Variants in ACCSL observed in about 807,000 individuals in gnomAD.
ACCSL encodes the protein probable inactive 1-aminocyclopropane-1-carboxylate synthase-like protein 2.
A neutral mutation model predicts 61.7 loss-of-function variants in ACCSL; 55 were observed. The ratio of observed to expected loss-of-function variants is 0.89; its 90% CI spans 0.72 to 1.12. ACCSL has a LOEUF of 1.12. Among genes scored for constraint, ACCSL ranks in the 50% most tolerant of loss-of-function variants. ACCSL has a pLI of 0.00. For synonymous variants in ACCSL, 258 were observed against 264.3 expected, an observed-to-expected ratio of 0.98 and a Z score of 0.23; for missense variants, 632 against 698.0, an observed-to-expected ratio of 0.91 and a Z score of 1.07.
chr11:44,021,604 A>G, the ACCSL span, among the ~76,000 whole-genome samples: 1 of 152,116 alleles, frequency 6.6e-6, no homozygotes, highest in Non-Finnish European at 1.5e-5. Flanking sequence ...TTTGCTGTGT[A>G]GAAGCTTTTT....
chr11:43,970,358 A>G, the ACCSL span, among the ~76,000 whole-genome samples: 6 of 152,058 alleles, frequency 3.9e-5, no homozygotes, highest in African/African-American at 1.4e-4. Flanking sequence ...GGTGCATGCC[A>G]TCATGCCTGG....
chr11:43,982,321 A>G, the ACCSL span, among the ~76,000 whole-genome samples: 23,946 of 139,338 alleles, frequency 0.17, 2,095 homozygotes, highest in Middle Eastern at 0.23. Flanking sequence ...TCCACCTCCC[A>G]GGTTCTAGCG....
the ACCSL span, among the ~76,000 whole-genome samples, chr11:43,959,657 A>G: frequency 6.6e-5 from 10 of 152,148 alleles, no homozygotes; most frequent in East Asian, 1.9e-3. Context: ...TCAACAAACA[A>G]TTTCCCCTCT....
At chr11:44,010,912 C>T in the ACCSL span, among the ~76,000 whole-genome samples, 1 of 152,302 alleles carries the variant, frequency 6.6e-6, no homozygotes, top group African/African-American at 2.4e-5. Flanking sequence ...TAAGTTACCC[C>T]TATACTTAGT....
upstream of ACCSL, among the ~76,000 whole-genome samples, chr11:44,046,767 T>C (rs1301617502): frequency 1.3e-5 from 2 of 152,318 alleles, no homozygotes; most frequent in East Asian, 3.9e-4. Flanking sequence ...AAAAGGGTCT[T>C]GATATCTTGG....
At chr11:43,942,956 G>C in the ACCSL span, 2 of 1,479,270 alleles carry the variant, frequency 1.4e-6, no homozygotes, top group Non-Finnish European at 1.8e-6. Flanking sequence ...TTACCAGGCG[G>C]TGATGCCGCA....
At chr11:44,059,319 T>A (rs1276010816) in intron 13 of ACCSL, among the ~76,000 whole-genome samples, 1 of 152,140 alleles carries the variant, frequency 6.6e-6, no homozygotes, top group Non-Finnish European at 1.5e-5. Context: ...GTAAGTGAGA[T>A]GGATAGGCAG....
the ACCSL span, among the ~76,000 whole-genome samples, chr11:43,976,197 T>C: frequency 2.0e-5 from 3 of 152,154 alleles, no homozygotes; most frequent in Admixed American, 6.5e-5. Flanking sequence ...GATGTTGTAA[T>C]GGGATGAGAC....
At chr11:44,049,990 C>G in intron 1 of ACCSL, 72 bp from the exon 2 acceptor site, 1 of 1,590,578 alleles carries the variant, frequency 6.3e-7, no homozygotes, top group East Asian at 2.2e-5. Flanking sequence ...TCCATTTGAA[C>G]TAATGTTTCA....
At chr11:44,043,822 A>T (rs969215105), upstream of ACCSL, among the ~76,000 whole-genome samples, 2 of 152,244 alleles carry the variant, frequency 1.3e-5, no homozygotes, top group Non-Finnish European at 2.9e-5. Context: ...TTTATATTGT[A>T]ACCTCTGGGG....
At chr11:43,973,923 A>G in the ACCSL span, 4 of 152,194 alleles carry the variant, frequency 2.6e-5, no homozygotes, top group South Asian at 8.3e-4. Context: ...AATTTGGAAG[A>G]GCCAACGTAC....
chr11:44,041,871 C>T, the ACCSL span, among the ~76,000 whole-genome samples: 1 of 152,152 alleles, frequency 6.6e-6, no homozygotes, highest in African/African-American at 2.4e-5. Context: ...AGGTACCATT[C>T]ATTTAAATAA....
chr11:43,997,917 A>G, the ACCSL span, among the ~76,000 whole-genome samples: 16 of 152,148 alleles, frequency 1.1e-4, no homozygotes, highest in Admixed American at 6.5e-5. Flanking sequence ...GACAAGGGAG[A>G]AGAGGTAGGA....
intron 11 of ACCSL, 27 bp downstream of exon 11, chr11:44,056,353 T>C: frequency 6.2e-7 from 1 of 1,604,806 alleles, no homozygotes; most frequent in Non-Finnish European, 8.5e-7. Context: ...CAGACCAGCA[T>C]GTTGGCTGGA....
the ACCSL span, among the ~76,000 whole-genome samples, chr11:43,982,226 C>CTTTTT: frequency 2.0e-4 from 17 of 86,322 alleles, no homozygotes; most frequent in Admixed American, 3.3e-4. Flanking sequence ...CCAAGGCCCT[C>CTTTTT]TTTTTTTTTT....
At chr11:44,051,516 G>C in intron 4 of ACCSL, 112 bp downstream of exon 4, 1 of 1,541,882 alleles carries the variant, frequency 6.5e-7, no homozygotes, top group Non-Finnish European at 9.0e-7. Flanking sequence ...CTCAGGGCCA[G>C]GGCAGCATGA....
At chr11:44,050,713 T>C in intron 3 of ACCSL, 91 bp downstream of exon 3, 1 of 1,211,154 alleles carries the variant, frequency 8.3e-7, no homozygotes. Context: ...TCCTGGTTGG[T>C]TACCTCCCTA....
At chr11:43,979,206 C>T in the ACCSL span, among the ~76,000 whole-genome samples, 1 of 152,086 alleles carries the variant, frequency 6.6e-6, no homozygotes, top group South Asian at 2.1e-4. Flanking sequence ...GTGGCACATG[C>T]CTGTGGTCCC....
the ACCSL span, among the ~76,000 whole-genome samples, chr11:43,928,088 G>A: frequency 6.6e-6 from 1 of 152,226 alleles, no homozygotes; most frequent in Admixed American, 6.5e-5. Context: ...ATGGGCAGGA[G>A]CACCCTGTTA....
Sources: allele counts gnomAD v4.1 joint callset (sites outside exome capture counted in the v4.1 genomes callset), GRCh38; gene constraint gnomAD v4.1.1; transcripts MANE v1.5; gene names NCBI Gene and HGNC (gene_info 2026-07-23, HGNC 2026-07-21).